The following HPS5 variants were observed in gnomAD, a reference collection of about 807,000 sequenced individuals.
The protein encoded by HPS5 is HPS5 biogenesis of lysosomal organelles complex 2 subunit 2, also known as BLOC-2 complex member HPS5.
A neutral mutation model predicts 128.0 loss-of-function variants in HPS5; 83 were observed. The observed-to-expected ratio is 0.65, with a 90% CI of 0.54 to 0.78. The LOEUF is 0.78. Ranked by LOEUF, HPS5 falls within the 30% of genes least tolerant of loss-of-function variation. HPS5 has a pLI of 0.00. For synonymous variants in HPS5, 475 were observed against 470.2 expected (o/e 1.01, Z -0.13); for missense variants, 1,281 against 1,326.2 (o/e 0.97, Z 0.53).
chr11:18,285,482 TA>T, intron 19 of HPS5, 23 bp from the exon 20 acceptor site: 1 of 1,451,170 alleles, frequency 6.9e-7, no homozygotes, highest in Middle Eastern at 1.7e-4. Flanking sequence ...AAGGAATCAG[TA>T]AATTAGATAG....
At chr11:18,308,504 G>T (rs1420125957) in intron 6 of HPS5, among the ~76,000 whole-genome samples, 1 of 152,110 alleles carries the variant, frequency 6.6e-6, no homozygotes, top group African/African-American at 2.4e-5. Flanking sequence ...ACATCAGCTT[G>T]CATACAACTG....
intron 8 of HPS5, among the ~76,000 whole-genome samples, chr11:18,302,822 C>CGGG (rs1222065101): frequency 1.2e-3 from 2 of 1,604 alleles, no homozygotes; most frequent in African/African-American, 5.5e-3. Flanking sequence ...AGAAAAAAAG[C>CGGG]GGGGGGGGGG....
chr11:18,294,358 G>A (rs1272553249), intron 14 of HPS5, among the ~76,000 whole-genome samples: 1 of 152,062 alleles, frequency 6.6e-6, no homozygotes, highest in Non-Finnish European at 1.5e-5. Flanking sequence ...TTTTGCTATT[G>A]CTTGATGAGT....
chr11:18,300,878 T>C lies in HPS5; in HGVS notation c.935A>G (p.Tyr312Cys), dbSNP rs191707022. 5.0e-6 allele frequency: 8 copies of C among 1,601,516 alleles called. No homozygotes were observed. In the East Asian group the frequency reaches 1.6e-4, roughly 31 times the overall value. The change falls in exon 9 of 23, where the codon TAT becomes TGT. Residue 312 changes from tyrosine to cysteine, a missense_variant. Coordinates refer to ENST00000349215, the MANE Select transcript of HPS5 (RefSeq NM_181507.2). ...TTGAACATTCTGAGGAATGAAAATA[T>C]AAATTCCTCTTTCTGTCCAAGTCAG... is the stretch of plus-strand genomic sequence containing the variant. Reference protein sequence around the residue: ...CVLTWTERGIYIFIPQNVQVL... With the variant: ...CVLTWTERGICIFIPQNVQVL...
intron 22 of HPS5, among the ~76,000 whole-genome samples, 193 bp from the exon 23 acceptor site, chr11:18,280,135 A>G (rs369274600): frequency 5.6e-4 from 85 of 152,364 alleles, no homozygotes; most frequent in African/African-American, 1.7e-3. Context: ...ATCTGATAAG[A>G]GGTTAATATC....
intron 5 of HPS5, among the ~76,000 whole-genome samples, chr11:18,309,663 C>T (rs866210949): frequency 5.3e-5 from 8 of 152,182 alleles, no homozygotes; most frequent in African/African-American, 1.4e-4. Context: ...TAGGTCATGA[C>T]GGCAAACCAG....
chr11:18,308,960 C>A lies in HPS5; in HGVS notation c.597G>T (p.Leu199Phe). ...LLISSLTRSF[L>F]CDTEREKFWK... is the part of the protein sequence containing the mutation. ...GGTCAATATACCTCTCAGTGTCACA[C>A]AAGAAGGATCGAGTAAGTGAAGATA... Residue 199 changes from leucine (L) to phenylalanine (F), a missense_variant, in exon 6 of 23, where the codon TTG becomes TTT. By Grantham distance (22) the Leu-to-Phe change is conservative. Coordinates refer to ENST00000349215, the MANE Select transcript of HPS5 (RefSeq NM_181507.2). 2 of 1,614,070 alleles carry A rather than the reference C, an allele frequency of 1.2e-6. No homozygotes were observed. The highest frequency in any genetic ancestry group is 1.7e-6 in the Non-Finnish European group (2 of 1,179,982).
chr11:18,283,947 T>G, intron 20 of HPS5, 46 bp from the exon 21 acceptor site: 2 of 1,299,944 alleles, frequency 1.5e-6, no homozygotes, highest in Non-Finnish European at 2.2e-6. Context: ...GGCCATGAAT[T>G]TATCTGGAGC....
intron 2 of HPS5, among the ~76,000 whole-genome samples, chr11:18,313,209 A>G (rs1863203132): frequency 6.6e-6 from 1 of 151,860 alleles, no homozygotes; most frequent in Non-Finnish European, 1.5e-5. Context: ...ATCAAAACAC[A>G]TACTTATTGA....
At chr11:18,304,800 G>C (rs2134417337) in intron 8 of HPS5, among the ~76,000 whole-genome samples, 1 of 152,308 alleles carries the variant, frequency 6.6e-6, no homozygotes, top group East Asian at 1.9e-4. Context: ...ATATTGGCTG[G>C]AAATCATACA....
In HPS5 at chr11:18,291,606, C is replaced by T; in HGVS notation, c.2276G>A (p.Gly759Glu). ...VLNSKIKSTS[G>E]HVDHTLQQYS... ...CTGTTGCAAAGTGTGGTCCACATGT[C>T]CACTGGTGCTTTTGATCTTAGAATT... Residue 759 changes from glycine (G) to glutamate (E), a missense_variant, in exon 16 of 23, where the codon GGA becomes GAA. Gly to Glu is a moderately conservative substitution (Grantham distance 98). Transcript: ENST00000349215. 1.2e-6 allele frequency: 2 copies of T among 1,614,102 alleles called. No individual in the cohort carries two copies. The highest frequency in any genetic ancestry group is 1.7e-6 in the Non-Finnish European group (2 of 1,179,974).
intron 20 of HPS5, among the ~76,000 whole-genome samples, chr11:18,284,667 T>C (rs1247619070): frequency 6.6e-6 from 1 of 152,164 alleles, no homozygotes; most frequent in Non-Finnish European, 1.5e-5. Context: ...CTCATTACAA[T>C]GAACAAATAT....
intron 3 of HPS5, 36 bp downstream of exon 3, chr11:18,311,878 C>G (rs759717228): frequency 7.7e-7 from 1 of 1,303,532 alleles, no homozygotes; most frequent in South Asian, 1.2e-5. Context: ...GAAAGAGACT[C>G]CAAATGGTGT....
chr11:18,287,926 A>G lies in HPS5; in HGVS notation c.2528T>C (p.Phe843Ser), dbSNP rs1859943065. 6.2e-7 allele frequency: 1 copy of G among 1,614,126 alleles called. No individual in the cohort carries two copies. Among genetic ancestry groups the G allele is most frequent in the East Asian group, 2.2e-5 (1 of 44,854 alleles). ...ATAAACAACCAACAACGGACTATCA[A>G]AAGGAACCTCGTCATCTAGTAACTT... ...RLKLLDDEVP[F>S]DSPLLVVYAT... The change falls in exon 17 of 23, where the codon TTT becomes TCT. Residue 843 changes from phenylalanine (F) to serine (S), a missense_variant. Physicochemically the swap from Phe to Ser is radical, Grantham distance 155. Coordinates refer to ENST00000349215, the MANE Select transcript of HPS5 (RefSeq NM_181507.2).
In HPS5 at chr11:18,306,363, G is replaced by T; in HGVS notation, c.612-16C>A. ...AAACTTTTCTCTAACATCCAGAAAGGAAGAGAAAGCAGATTTACTTACAAA... is the reference window on the plus strand; with the variant it reads ...AAACTTTTCTCTAACATCCAGAAAGTAAGAGAAAGCAGATTTACTTACAAA... On this transcript the variant is annotated splice_polypyrimidine_tract_variant and intron_variant, in intron 6 of 22. Coordinates refer to ENST00000349215, the MANE Select transcript of HPS5 (RefSeq NM_181507.2). 1 of 1,583,930 alleles carries T rather than the reference G, an allele frequency of 6.3e-7. No homozygotes were observed. The highest frequency in any genetic ancestry group is 8.7e-7 in the Non-Finnish European group (1 of 1,153,566).
intron 18 of HPS5, chr11:18,286,975 A>G (rs1429474462): frequency 4.9e-6 from 3 of 607,294 alleles, no homozygotes; most frequent in Admixed American, 3.1e-5. Context: ...GTGTGGCCAG[A>G]GTAGGAAGAT....
intron 7 of HPS5, among the ~76,000 whole-genome samples, chr11:18,305,933 C>T (rs1201638429): frequency 1.3e-5 from 2 of 152,204 alleles, no homozygotes; most frequent in Admixed American, 1.3e-4. Context: ...GGGGTTTCAC[C>T]GCGTTAGTCA....
intron 16 of HPS5, among the ~76,000 whole-genome samples, chr11:18,290,690 G>A (rs1370841895): frequency 1.3e-5 from 2 of 152,178 alleles, no homozygotes; most frequent in African/African-American, 4.8e-5. Context: ...GGGAGGCCAA[G>A]GTGGGAAGAC....
At chr11:18,294,853 A>C (rs1373849452) in intron 14 of HPS5, among the ~76,000 whole-genome samples, 167 bp downstream of exon 14, 1 of 152,046 alleles carries the variant, frequency 6.6e-6, no homozygotes, top group South Asian at 2.1e-4. Context: ...TCACAAAAAA[A>C]CTCATGTTTT....
Sources: gnomAD v4.1 joint callset for allele counts (sites outside exome capture counted in the v4.1 genomes callset) on GRCh38, gnomAD v4.1.1 for gene constraint, MANE v1.5 for transcripts, NCBI Gene and HGNC (gene_info 2026-07-23, HGNC 2026-07-21) for gene names.